The following HSD17B12 variants were observed in gnomAD, a reference collection of about 807,000 sequenced individuals.
HSD17B12 encodes the protein hydroxysteroid 17-beta dehydrogenase 12, also known as very-long-chain 3-oxoacyl-CoA reductase.
In HSD17B12, 32 loss-of-function variants were observed where a neutral mutation model predicts 39.3. The observed-to-expected ratio is 0.81, with a 90% CI of 0.61 to 1.09. The LOEUF is 1.09. Among genes scored for constraint, HSD17B12 ranks in the 50% least tolerant of loss-of-function variants. The pLI is 0.00. For missense variants in HSD17B12, 342 were observed against 382.9 expected (o/e 0.89, Z 0.89); for synonymous variants, 150 against 146.7 (o/e 1.02, Z -0.16).
intron 4 of HSD17B12, among the ~76,000 whole-genome samples, chr11:43,798,721 T>C (rs922873545): frequency 6.6e-6 from 1 of 152,202 alleles, no homozygotes; most frequent in African/African-American, 2.4e-5. Context: ...CCAGGACCTC[T>C]TCATATGCTC....
At chr11:43,803,574 G>A (rs1950990969) in intron 4 of HSD17B12, among the ~76,000 whole-genome samples, 2 of 152,126 alleles carry the variant, frequency 1.3e-5, no homozygotes, top group Non-Finnish European at 2.9e-5. Flanking sequence ...GCACCAAACA[G>A]TCAGTGCTTA....
the HSD17B12 span, among the ~76,000 whole-genome samples, chr11:43,586,967 G>C: frequency 5.9e-5 from 9 of 152,294 alleles, no homozygotes; most frequent in African/African-American, 1.9e-4. Flanking sequence ...AAAAGCAACA[G>C]ATTGGGAGGA....
At chr11:43,604,243 T>C in the HSD17B12 span, among the ~76,000 whole-genome samples, 13 of 152,322 alleles carry the variant, frequency 8.5e-5, no homozygotes, top group Non-Finnish European at 1.5e-4. Context: ...TGAGAATTTA[T>C]CGTATATAAC....
intron 6 of HSD17B12, among the ~76,000 whole-genome samples, chr11:43,818,625 A>G (rs1277870141): frequency 2.0e-5 from 3 of 152,156 alleles, no homozygotes; most frequent in South Asian, 2.1e-4. Flanking sequence ...GTTTAACTCA[A>G]TGTTTAACTT....
At chr11:43,598,344 C>T in the HSD17B12 span, among the ~76,000 whole-genome samples, 4 of 151,978 alleles carry the variant, frequency 2.6e-5, no homozygotes, top group African/African-American at 9.7e-5. Context: ...CTGAAAAGAG[C>T]TGATTTTTAA....
chr11:43,688,018 C>G (rs968014460), intron 1 of HSD17B12, among the ~76,000 whole-genome samples: 1 of 152,148 alleles, frequency 6.6e-6, no homozygotes, highest in African/African-American at 2.4e-5. Context: ...TTCAGACCAG[C>G]CTGGCCAACA....
chr11:43,609,276 T>C, the HSD17B12 span, among the ~76,000 whole-genome samples: 1 of 150,820 alleles, frequency 6.6e-6, no homozygotes, highest in Non-Finnish European at 1.5e-5. Flanking sequence ...AAAATCTTTA[T>C]ACAGGTAAAC....
the HSD17B12 span, among the ~76,000 whole-genome samples, chr11:43,625,943 A>T: frequency 2.9e-5 from 4 of 139,110 alleles, no homozygotes; most frequent in Non-Finnish European, 1.6e-5. Context: ...GTAAACATTT[A>T]AAACTCTTCT....
chr11:43,812,230 A>T (rs537395994), intron 4 of HSD17B12, among the ~76,000 whole-genome samples: 2 of 152,292 alleles, frequency 1.3e-5, no homozygotes, highest in African/African-American at 4.8e-5. Context: ...CCTTTGGATA[A>T]ATACTAGTAG....
At chr11:43,616,798 A>G in the HSD17B12 span, among the ~76,000 whole-genome samples, 5 of 36,806 alleles carry the variant, frequency 1.4e-4, no homozygotes, top group Middle Eastern at 0.031. Flanking sequence ...TGCCCAAACT[A>G]AAAAAAAAAA....
intron 1 of HSD17B12, chr11:43,681,195 A>T: frequency 7.5e-7 from 1 of 1,331,452 alleles, no homozygotes; most frequent in Non-Finnish European, 9.7e-7. Flanking sequence ...TACGAAATAC[A>T]CTGCTCGCTC....
the HSD17B12 span, among the ~76,000 whole-genome samples, chr11:43,596,090 T>C: frequency 3.3e-5 from 5 of 152,172 alleles, no homozygotes; most frequent in African/African-American, 1.2e-4. Context: ...AAGGTCTCAC[T>C]ATGCTGGCCA....
At chr11:43,630,953 C>T in the HSD17B12 span, among the ~76,000 whole-genome samples, 28 of 151,946 alleles carry the variant, frequency 1.8e-4, no homozygotes, top group African/African-American at 5.3e-4. Flanking sequence ...TACAGGTGTC[C>T]GCCACCACGC....
chr11:43,696,768 C>T (rs769566584), intron 1 of HSD17B12, among the ~76,000 whole-genome samples: 6 of 152,116 alleles, frequency 3.9e-5, no homozygotes, highest in Non-Finnish European at 8.8e-5. Flanking sequence ...AACTCAAATG[C>T]CCATCAGTGA....
chr11:43,608,091 A>C, the HSD17B12 span, among the ~76,000 whole-genome samples: 1 of 152,230 alleles, frequency 6.6e-6, no homozygotes, highest in African/African-American at 2.4e-5. Context: ...AAATAAGGCC[A>C]GGTGCGGTGG....
the HSD17B12 span, among the ~76,000 whole-genome samples, chr11:43,575,567 G>A: frequency 2.6e-5 from 4 of 152,232 alleles, no homozygotes; most frequent in African/African-American, 4.8e-5. The surrounding 1 kb of genome is among the most constrained non-coding windows in gnomAD (Gnocchi z 4.1). Context: ...GTGCAGACTA[G>A]GCTGCAGCCT....
At chr11:43,681,088 C>T in intron 1 of HSD17B12, 101 bp downstream of exon 1, 6 of 1,402,648 alleles carry the variant, frequency 4.3e-6, no homozygotes, top group Non-Finnish European at 4.6e-6. Flanking sequence ...CTTCCCCTCC[C>T]CAGCTCTCCT....
rs543583779 is a variant in HSD17B12, at chr11:43,732,929, G to A, written c.161-17982G>A. Among the ~76,000 whole-genome samples, 6 of 152,290 alleles carry A rather than the reference G, an allele frequency of 3.9e-5. No homozygotes were observed. In the East Asian group the frequency reaches 1.2e-3, roughly 29 times the overall value. On this transcript the variant is annotated intron_variant, in intron 1 of 10. Transcript: ENST00000278353. ...TGGAATTACAGATGTGAGCCACAATGCCTAGCCTCAGGTTGTTTAAAAAGT... is the reference window on the plus strand; with the variant it reads ...TGGAATTACAGATGTGAGCCACAATACCTAGCCTCAGGTTGTTTAAAAAGT...
At chr11:43,836,378 G>C (rs7934707) in intron 7 of HSD17B12, among the ~76,000 whole-genome samples, 96,793 of 152,014 alleles carry the variant, frequency 0.64, 31,268 homozygotes, top group East Asian at 0.71. Flanking sequence ...CAAGATTGAG[G>C]GTTACTTCTT....
Sources: allele counts gnomAD v4.1 joint callset (sites outside exome capture counted in the v4.1 genomes callset), GRCh38; gene constraint gnomAD v4.1.1; non-coding constraint Gnocchi (gnomAD v3.1); transcripts MANE v1.5; gene names NCBI Gene and HGNC (gene_info 2026-07-23, HGNC 2026-07-21).